The following LRBA variants were observed in gnomAD, a reference collection of about 807,000 sequenced individuals.
LRBA encodes the protein LPS responsive beige-like anchor protein.
Under a neutral mutation model 330.0 loss-of-function variants are expected in LRBA, and 176 were observed. That is an observed-to-expected ratio of 0.53 (90% confidence interval 0.47 to 0.60). The LOEUF (loss-of-function observed/expected upper bound fraction) is 0.60. Among genes scored for constraint, LRBA ranks in the 20% least tolerant of loss-of-function variants. The pLI, the probability that LRBA is intolerant of heterozygous loss-of-function variation, is 0.00. For missense variants in LRBA, 3,259 were observed against 3,444.8 expected (o/e 0.95, Z 1.35); for synonymous variants, 1,230 against 1,193.0 (o/e 1.03, Z -0.64).
At chr4:150,619,831 T>C (rs1052230590) in intron 37 of LRBA, among the ~76,000 whole-genome samples, 2 of 152,092 alleles carry the variant, frequency 1.3e-5, no homozygotes, top group Non-Finnish European at 2.9e-5. Context: ...CATTCTTTCA[T>C]AGATCTAAAA....
rs1317694421 is a variant in LRBA at position 150,847,879 on chromosome 4, C to T, written c.4339+939G>A. On this transcript the variant is annotated intron_variant, in intron 26 of 56. Transcript: ENST00000651943. ...TTTATTAACTGCATTAACAAATTAC[C>T]ACAGCTTTTTTGAATAAAGGCTGTA... is the stretch of plus-strand genomic sequence containing the variant. 2.6e-5 allele frequency among the ~76,000 whole-genome samples: 4 copies of T among 152,082 alleles called. No individual in the cohort carries two copies. In the East Asian group the frequency reaches 7.7e-4, roughly 29 times the overall value.
rs118014382 is a variant in LRBA at position 150,780,450 on chromosome 4, T to A, written c.5580+17631A>T. On this transcript the variant is annotated intron_variant, in intron 34 of 56. Coordinates refer to ENST00000651943, the MANE Select transcript of LRBA (RefSeq NM_001364905.1). ...CATATACACTTTATGTTACAGTAAC[T>A]TCTTATGGTTGTCAAGAGTCACAAC... 2.0e-5 allele frequency among the ~76,000 whole-genome samples: 3 copies of A among 152,062 alleles called. No individual in the cohort carries two copies. The East Asian group carries it at 5.8e-4, about 29-fold the overall frequency.
At chr4:150,539,720 T>C (rs1765114157) in intron 40 of LRBA, among the ~76,000 whole-genome samples, 1 of 152,180 alleles carries the variant, frequency 6.6e-6, no homozygotes, top group Admixed American at 6.5e-5. Context: ...ACCTGAACAC[T>C]ACTCAGTGTG....
chr4:150,581,365 C>G (rs1232101006), intron 40 of LRBA: 2 of 441,204 alleles, frequency 4.5e-6, no homozygotes, highest in Non-Finnish European at 9.1e-6. Flanking sequence ...AGCAACTGCT[C>G]TGATTCTTGG....
At position 150,929,000 on chromosome 4, in the gene LRBA, G is replaced by A. The variant is rs1734175098; in HGVS notation, c.282C>T (p.Cys94=). 1.9e-6 allele frequency: 3 copies of A among 1,613,162 alleles called. No individual in the cohort carries two copies. The highest frequency in any genetic ancestry group is 1.7e-5 in the Admixed American group (1 of 59,900). ...FIIQEGESIN[C]MVDLLEKCDI... ...CACATTTTTCCAGTAGGTCCACCAT[G>A]CAGTTAATACTCTCACCTTCTTGGA... The change falls in exon 3 of 57, where the codon TGC becomes TGT. Residue 94 remains cysteine (C), a synonymous_variant. Transcript: ENST00000651943.
chr4:150,894,770 T>C (rs943052567), intron 16 of LRBA, among the ~76,000 whole-genome samples: 1 of 152,208 alleles, frequency 6.6e-6, no homozygotes, highest in Non-Finnish European at 1.5e-5. Context: ...ACTTCCAGTT[T>C]ATCTCATATA....
intron 22 of LRBA, among the ~76,000 whole-genome samples, chr4:150,856,898 C>A (rs541408242): frequency 6.6e-6 from 1 of 152,256 alleles, no homozygotes; most frequent in East Asian, 1.9e-4. Flanking sequence ...TATAACATTT[C>A]TTTTGCCATT....
intron 47 of LRBA, among the ~76,000 whole-genome samples, chr4:150,384,407 A>C (rs1027670373): frequency 1.3e-5 from 2 of 152,184 alleles, no homozygotes; most frequent in Non-Finnish European, 2.9e-5. Flanking sequence ...TTCTAAAGAG[A>C]TTTAAATTCA....
intron 37 of LRBA, among the ~76,000 whole-genome samples, chr4:150,656,004 GGGGA>G (rs1780151847): frequency 2.0e-5 from 3 of 152,100 alleles, no homozygotes; most frequent in African/African-American, 7.2e-5. Context: ...TCACATTTGT[GGGGA>G]GGAGGTTAGA....
chr4:150,301,605 G>C (rs1264325641), intron 53 of LRBA, among the ~76,000 whole-genome samples: 1 of 151,912 alleles, frequency 6.6e-6, no homozygotes, highest in African/African-American at 2.4e-5. Context: ...TTGAAAAAAA[G>C]GTTCATTTTC....
At chr4:150,477,461 G>GA (rs1168129387) in intron 42 of LRBA, among the ~76,000 whole-genome samples, 2 of 152,034 alleles carry the variant, frequency 1.3e-5, no homozygotes, top group Admixed American at 6.6e-5. Flanking sequence ...GGGGGTGGGA[G>GA]AACCAAGAAA....
intron 52 of LRBA, among the ~76,000 whole-genome samples, chr4:150,309,883 AAT>A (rs1730835743): frequency 1.3e-5 from 2 of 152,282 alleles, no homozygotes; most frequent in African/African-American, 4.8e-5. Flanking sequence ...AAAGTGAGAA[AAT>A]ACACTTCTGT....
intron 44 of LRBA, among the ~76,000 whole-genome samples, chr4:150,450,069 T>C (rs1310132717): frequency 6.6e-6 from 1 of 152,098 alleles, no homozygotes. Context: ...TATAAAGCCA[T>C]AGACAGGCTT....
chr4:150,851,834 C>T, intron 23 of LRBA, 51 bp downstream of exon 23: 1 of 1,483,744 alleles, frequency 6.7e-7, no homozygotes, highest in Non-Finnish European at 9.0e-7. Context: ...TACACTTGCT[C>T]TTTTTTAACT....
chr4:150,326,315 A>C (rs533926058), intron 48 of LRBA, among the ~76,000 whole-genome samples: 1 of 152,302 alleles, frequency 6.6e-6, no homozygotes, highest in South Asian at 2.1e-4. Context: ...GGGAGTAAAA[A>C]GGAGGAAAAA....
intron 40 of LRBA, among the ~76,000 whole-genome samples, chr4:150,501,341 G>A (rs1440857104): frequency 1.3e-5 from 2 of 152,178 alleles, no homozygotes; most frequent in African/African-American, 2.4e-5. Flanking sequence ...GCCAGATGTG[G>A]TGGCTCACGT....
chr4:150,381,177 CAA>C, intron 47 of LRBA, among the ~76,000 whole-genome samples: 1 of 152,154 alleles, frequency 6.6e-6, no homozygotes, highest in Non-Finnish European at 1.5e-5. Context: ...ATTAAAATGA[CAA>C]GTGTGGCTTC....
At chr4:150,437,753 T>C (rs1442393864) in intron 44 of LRBA, among the ~76,000 whole-genome samples, 1 of 152,078 alleles carries the variant, frequency 6.6e-6, no homozygotes. Flanking sequence ...CAACAAACTA[T>C]GCCTGACAAC....
chr4:150,834,000 G>A (rs1308223953), intron 28 of LRBA, among the ~76,000 whole-genome samples: 2 of 152,108 alleles, frequency 1.3e-5, no homozygotes, highest in African/African-American at 4.8e-5. Context: ...ATTATCCATA[G>A]GAAGCAACTC....
Sources: gnomAD v4.1 joint callset for allele counts (sites outside exome capture counted in the v4.1 genomes callset) on GRCh38, gnomAD v4.1.1 for gene constraint, MANE v1.5 for transcripts, NCBI Gene and HGNC (gene_info 2026-07-23, HGNC 2026-07-21) for gene names.